Variants in KLHL24 observed in about 807,000 individuals in gnomAD.
The protein encoded by KLHL24 is kelch-like protein 24.
A neutral mutation model predicts 53.4 loss-of-function variants in KLHL24; 29 were observed. The ratio of observed to expected loss-of-function variants is 0.54; its 90% CI spans 0.40 to 0.74. The LOEUF (loss-of-function observed/expected upper bound fraction) is 0.74. KLHL24 is among the 30% of genes least tolerant of loss of function. The probability of loss-of-function intolerance (pLI) is 0.00; values close to 1 mark genes in which losing one functional copy is unlikely to be tolerated. For synonymous variants in KLHL24, 222 were observed against 253.7 expected (o/e 0.88, Z 1.19); for missense variants, 504 against 744.0 (o/e 0.68, Z 3.75).
chr3:183,671,707 C>G (rs1252449292), intron 6 of KLHL24, among the ~76,000 whole-genome samples: 1 of 152,028 alleles, frequency 6.6e-6, no homozygotes, highest in African/African-American at 2.4e-5. Flanking sequence ...ACTTCTGGGA[C>G]GAAAGAATAT....
intron 5 of KLHL24, 33 bp from the exon 6 acceptor site, chr3:183,671,001 T>C: frequency 6.7e-7 from 1 of 1,499,780 alleles, no homozygotes; most frequent in African/African-American, 1.4e-5. Context: ...AGACTTTTGA[T>C]AATTAAGATT....
At chr3:183,637,142 G>A (rs1715430149) in intron 1 of KLHL24, among the ~76,000 whole-genome samples, 1 of 152,168 alleles carries the variant, frequency 6.6e-6, no homozygotes, top group African/African-American at 2.4e-5. Flanking sequence ...TGATTTTAGT[G>A]GATTTTAATG....
chr3:183,655,321 T>A (rs372540129), intron 3 of KLHL24, among the ~76,000 whole-genome samples: 59 of 152,068 alleles, frequency 3.9e-4, no homozygotes, highest in African/African-American at 1.3e-3. Flanking sequence ...ACAGAAGGAG[T>A]AAAGCTTAGA....
chr3:183,639,629 CAAA>C (rs767908911), intron 1 of KLHL24, among the ~76,000 whole-genome samples: 2 of 39,472 alleles, frequency 5.1e-5, no homozygotes, highest in Non-Finnish European at 5.0e-5. Context: ...GACTCTGTCT[CAAA>C]AAAAAAAAAA....
At chr3:183,638,207 G>A (rs770764952) in intron 1 of KLHL24, among the ~76,000 whole-genome samples, 5 of 152,164 alleles carry the variant, frequency 3.3e-5, no homozygotes, top group Non-Finnish European at 5.9e-5. Flanking sequence ...GTAAAGGCTT[G>A]CTTATTCAAA....
chr3:183,667,865 C>A (rs1180911248), intron 5 of KLHL24, among the ~76,000 whole-genome samples: 8 of 151,888 alleles, frequency 5.3e-5, no homozygotes, highest in African/African-American at 1.9e-4. Flanking sequence ...TGCAGGCACA[C>A]ACCATCACAC....
intron 3 of KLHL24, among the ~76,000 whole-genome samples, chr3:183,656,060 T>TTTTTTTTTTTG: frequency 7.5e-6 from 1 of 133,144 alleles, no homozygotes; most frequent in African/African-American, 2.8e-5. Flanking sequence ...TTTTTTTTTT[T>TTTTTTTTTTTG]TTCTGAGACA....
chr3:183,679,527 T>C lies in KLHL24; in HGVS notation c.*241T>C, dbSNP rs1339470198. On this transcript the variant is annotated 3_prime_UTR_variant, in exon 8 of 8. Transcript: ENST00000242810. ...GTTGTTACTTGGCCTTTGAAGAGTG[T>C]ACCTTTGTAAGTATTTGTAAGAAGT... 1 of 456,576 alleles carries C rather than the reference T, an allele frequency of 2.2e-6. No individual in the cohort carries two copies. The highest frequency in any genetic ancestry group is 2.0e-5 in the African/African-American group (1 of 50,912). The allele number at this position is 456,576 out of a possible 1,614,324, so 28.3% of individuals were successfully genotyped here. A position where few individuals can be genotyped will look rare whatever the true frequency, so the allele number is the denominator to read the frequency against.
intron 3 of KLHL24, among the ~76,000 whole-genome samples, chr3:183,652,482 T>G (rs1262134835): frequency 6.6e-6 from 1 of 152,194 alleles, no homozygotes; most frequent in South Asian, 2.1e-4. Flanking sequence ...TTTACTGTCT[T>G]AATCATTTTT....
chr3:183,650,274 G>A lies in KLHL24; in HGVS notation c.-61-22G>A, dbSNP rs1391263386. 2.8e-6 allele frequency: 3 copies of A among 1,080,878 alleles called. No homozygotes were observed. The African/African-American group carries it at 4.8e-5, about 17-fold the overall frequency. The allele number at this position is 1,080,878 out of a possible 1,614,324, so 67.0% of individuals were successfully genotyped here. On this transcript the variant is annotated intron_variant, in intron 2 of 7. Coordinates refer to ENST00000242810, the MANE Select transcript of KLHL24 (RefSeq NM_017644.3). This position sits in a 1 kb window ranked among gnomAD's most constrained non-coding sequence, Gnocchi z 4.5. Reference sequence around the variant, plus strand: ...TACTGAATTTTTTGCATATTGAAATGTTTTCCTTTTTTTACTTTTAGCCAC... The same window carrying A: ...TACTGAATTTTTTGCATATTGAAATATTTTCCTTTTTTTACTTTTAGCCAC...
At chr3:183,645,762 C>G (rs1006122610) in intron 2 of KLHL24, among the ~76,000 whole-genome samples, 2 of 152,138 alleles carry the variant, frequency 1.3e-5, no homozygotes, top group African/African-American at 4.8e-5. Context: ...AGTTAAAAAT[C>G]TAGCTTGTTT....
chr3:183,648,224 AGAGT>A (rs2108788211), intron 2 of KLHL24, among the ~76,000 whole-genome samples: 1 of 152,298 alleles, frequency 6.6e-6, no homozygotes, highest in Non-Finnish European at 1.5e-5. Context: ...CTGGGGCATT[AGAGT>A]GAGAAGAGAG....
chr3:183,656,905 G>GAAA (rs34835305), intron 3 of KLHL24, among the ~76,000 whole-genome samples: 1 of 129,896 alleles, frequency 7.7e-6, no homozygotes, highest in Non-Finnish European at 1.7e-5. Flanking sequence ...CCAGAAAAAG[G>GAAA]AAAAAAAAAA....
At position 183,681,056 on chromosome 3, in the gene KLHL24, T is replaced by G. The variant is rs1018134194; in HGVS notation, c.*1770T>G. The G allele has an allele frequency of 4.6e-5, 7 of 152,102 alleles. No individual in the cohort carries two copies. Among genetic ancestry groups the G allele is most frequent in the African/African-American group, 1.7e-4 (7 of 41,446 alleles). 9.4% of individuals were successfully genotyped at this position (152,102 alleles called of 1,614,324 possible). A position where few individuals can be genotyped will look rare whatever the true frequency, so the allele number is the denominator to read the frequency against. On this transcript the variant is annotated 3_prime_UTR_variant, in exon 8 of 8. Transcript: ENST00000242810. ...GGAAAACTCTAAAAAACTTAAAAAT[T>G]TTTAGGGAATTTTTATTTTTCAAAT...
In KLHL24 at chr3:183,679,885, T is replaced by G. The variant is rs761538917; in HGVS notation, c.*599T>G. 6.6e-6 allele frequency: 1 copy of G among 152,244 alleles called. No homozygotes were observed. Among genetic ancestry groups the G allele is most frequent in the Non-Finnish European group, 1.5e-5 (1 of 68,064 alleles). The allele number at this position is 152,244 out of a possible 1,614,324, so 9.4% of individuals were successfully genotyped here. A position where few individuals can be genotyped will look rare whatever the true frequency, so the allele number is the denominator to read the frequency against. ...AACTATTGTGACTTTATTCTTAGAA[T>G]TGCTGTCTTACATTAAACATGTTTT... On this transcript the variant is annotated 3_prime_UTR_variant, in exon 8 of 8. Coordinates refer to ENST00000242810, the MANE Select transcript of KLHL24 (RefSeq NM_017644.3).
intron 2 of KLHL24, among the ~76,000 whole-genome samples, chr3:183,648,658 G>T (rs189724825): frequency 4.6e-5 from 7 of 152,236 alleles, no homozygotes; most frequent in Admixed American, 3.9e-4. Context: ...TCATGTATCA[G>T]CTTCTGAAGA....
intron 3 of KLHL24, among the ~76,000 whole-genome samples, chr3:183,651,849 T>C (rs1345243904): frequency 6.6e-6 from 1 of 151,616 alleles, no homozygotes; most frequent in Admixed American, 6.6e-5. Flanking sequence ...CTCAGAAGGT[T>C]GAGGTGGGAG....
chr3:183,657,871 C>T (rs1366352975), intron 3 of KLHL24, among the ~76,000 whole-genome samples: 1 of 152,204 alleles, frequency 6.6e-6, no homozygotes, highest in Non-Finnish European at 1.5e-5. Context: ...ATTGATTCTG[C>T]TTTCAAAGGA....
intron 3 of KLHL24, among the ~76,000 whole-genome samples, chr3:183,654,712 C>A (rs1315651882): frequency 6.6e-6 from 1 of 152,110 alleles, no homozygotes; most frequent in African/African-American, 2.4e-5. Flanking sequence ...TCTGTGAAAT[C>A]TCTTTTACTT....
Sources: allele counts gnomAD v4.1 joint callset (sites outside exome capture counted in the v4.1 genomes callset), GRCh38; gene constraint gnomAD v4.1.1; non-coding constraint Gnocchi (gnomAD v3.1); transcripts MANE v1.5; gene names NCBI Gene and HGNC (gene_info 2026-07-23, HGNC 2026-07-21).